ADAMTS10: variants seen among roughly 807,000 people sequenced by gnomAD.
ADAMTS10 encodes the protein A disintegrin and metalloproteinase with thrombospondin motifs 10.
Under a neutral mutation model 135.9 loss-of-function variants are expected in ADAMTS10, and 48 were observed. The observed-to-expected ratio is 0.35, with a 90% CI of 0.28 to 0.45. ADAMTS10 has a LOEUF of 0.45. ADAMTS10 is among the 20% of genes least tolerant of loss of function. The probability of loss-of-function intolerance (pLI) is 1.00; values close to 1 mark genes in which losing one functional copy is unlikely to be tolerated. For missense variants in ADAMTS10, 1,131 were observed against 1,565.2 expected (o/e 0.72, Z 4.68); for synonymous variants, 621 against 647.5 (o/e 0.96, Z 0.62).
chr19:8,585,594 G>T lies in ADAMTS10; in HGVS notation c.2727C>A (p.Val909=). ...CGGCAGAGACGCGGCGCTGGCACAC[G>T]ACCGAGCGGCTGCGCACGCCTGCAT... ...SCDAGVRSRS[V]VCQRRVSAAE... Residue 909 remains valine, a synonymous_variant, in exon 23 of 26, where the codon GTC becomes GTA. Transcript: ENST00000597188. 3.1e-6 allele frequency: 5 copies of T among 1,610,232 alleles called. No homozygotes were observed. The Middle Eastern group carries it at 5.0e-4, about 161-fold the overall frequency.
At chr19:8,597,917 C>T (rs1424336325) in intron 6 of ADAMTS10, among the ~76,000 whole-genome samples, 1 of 151,650 alleles carries the variant, frequency 6.6e-6, no homozygotes, top group Non-Finnish European at 1.5e-5. Flanking sequence ...GATTCTCCTG[C>T]CTCAGCCTCC....
chr19:8,592,142 G>T, intron 13 of ADAMTS10, 39 bp from the exon 14 acceptor site: 1 of 1,613,064 alleles, frequency 6.2e-7, no homozygotes, highest in Non-Finnish European at 8.5e-7. Context: ...GTCCAGCCCG[G>T]AGGACACTCG....
At chr19:8,581,853 A>G (rs2042355480) in intron 25 of ADAMTS10, among the ~76,000 whole-genome samples, 4 of 134,354 alleles carry the variant, frequency 3.0e-5, no homozygotes, top group Admixed American at 2.4e-4. Context: ...ACAAAAAAAC[A>G]AAAAAACAAA....
intron 25 of ADAMTS10, among the ~76,000 whole-genome samples, chr19:8,583,728 T>A (rs782137463): frequency 6.6e-6 from 1 of 151,944 alleles, no homozygotes; most frequent in Non-Finnish European, 1.5e-5. Flanking sequence ...CTGTGGCTCT[T>A]GCCTGTAGTC....
At chr19:8,585,088 A>G in intron 24 of ADAMTS10, 34 bp from the exon 25 acceptor site, 1 of 1,501,206 alleles carries the variant, frequency 6.7e-7, no homozygotes, top group Non-Finnish European at 8.9e-7. Context: ...GCTGCCCCGC[A>G]GCCCCTGCCC....
At chr19:8,595,698 T>TGCCACC in intron 12 of ADAMTS10, 64 bp downstream of exon 12, 2 of 1,291,948 alleles carry the variant, frequency 1.5e-6, no homozygotes, top group Non-Finnish European at 1.1e-6. Context: ...CTGGTGGAGT[T>TGCCACC]CCCTCCCCCA....
rs1467781519 is a variant in ADAMTS10, at chr19:8,592,015, C to T, written c.1676G>A (p.Cys559Tyr). The change falls in exon 14 of 26, where the codon TGC becomes TAC. Residue 559 changes from cysteine (C) to tyrosine (Y), a missense_variant. By Grantham distance (194) the Cys-to-Tyr change is radical. This residue lies in a region of ADAMTS10 where 745 missense variants were observed against 1,056.3 expected (regional missense o/e 0.71). Coordinates refer to ENST00000597188, the MANE Select transcript of ADAMTS10 (RefSeq NM_030957.4). ...CACGCCGCCGCCACAGGTCCGGCTG[C>T]AGTCGCCCCATGGAGTCCACGGCCC... ...AWGPWTPWGD[C>Y]SRTCGGGVSS... 6.2e-7 allele frequency: 1 copy of T among 1,613,670 alleles called. No homozygotes were observed. The highest frequency in any genetic ancestry group is 8.5e-7 in the Non-Finnish European group (1 of 1,179,878).
rs1157731168 is a variant in ADAMTS10, at chr19:8,601,430, T to C, written c.593-285A>G. On this transcript the variant is annotated intron_variant, in intron 5 of 25. Transcript: ENST00000597188. This position sits in a 1 kb window ranked among gnomAD's most constrained non-coding sequence, Gnocchi z 4.6. ...AGGCTGGACTGCAGTGGTGCGATCT[T>C]GGCTCACTGAAACCTCTGCCTCCCA... 6.6e-6 allele frequency among the ~76,000 whole-genome samples: 1 copy of C among 151,628 alleles called. No individual in the cohort carries two copies. Among genetic ancestry groups the C allele is most frequent in the Admixed American group, 6.6e-5 (1 of 15,220 alleles).
chr19:8,590,780 G>A lies in ADAMTS10; in HGVS notation c.1798-789C>T, dbSNP rs1731673294. ...CGGCCTAATTTTTGTATTTTTAGTA[G>A]AGATGGGGTTTTGCCATGTTGGCCA... On this transcript the variant is annotated intron_variant, in intron 15 of 25. Transcript: ENST00000597188. Among the ~76,000 whole-genome samples, 4 of 152,096 alleles carry A rather than the reference G, an allele frequency of 2.6e-5. No homozygotes were observed. The South Asian group carries it at 8.3e-4, about 32-fold the overall frequency.
Position 8,597,142 on chromosome 19 carries a change from G to C in ADAMTS10, c.895-10C>G. 6.2e-7 allele frequency: 1 copy of C among 1,614,150 alleles called. No homozygotes were observed. Among genetic ancestry groups the C allele is most frequent in the Non-Finnish European group, 8.5e-7 (1 of 1,180,040 alleles). Reference sequence around the variant, plus strand: ...TGATCTCCAGAGTGGGCTGGGGATGGACAGAGGGAAATGCATGGGCACCCA... The same window carrying C: ...TGATCTCCAGAGTGGGCTGGGGATGCACAGAGGGAAATGCATGGGCACCCA... On this transcript the variant is annotated splice_polypyrimidine_tract_variant and intron_variant, in intron 7 of 25. Transcript: ENST00000597188.
In ADAMTS10 at chr19:8,605,243, C is replaced by T. The variant is rs139761152; in HGVS notation, c.204G>A (p.Thr68=). 1,107 of 1,613,126 alleles carry T rather than the reference C, an allele frequency of 6.9e-4. 9 individuals carry two copies. The African/African-American group carries it at 0.012, about 18-fold the overall frequency. ...PPPPRRQRRG[T]GATAESRLFY... ...AGAGGCGGGACTCGGCTGTGGCCCC[C>T]GTGCCGCGGCGCTGCCTCCGGGGAG... Residue 68 remains threonine (T), a synonymous_variant, in exon 4 of 26, where the codon ACG becomes ACA. Transcript: ENST00000597188. The surrounding 1 kb of genome is among the most constrained non-coding windows in gnomAD (Gnocchi z 7.7).
At position 8,596,602 on chromosome 19, in the gene ADAMTS10, G is replaced by A. The variant is rs199633409; in HGVS notation, c.1041-17C>T. The A allele has an allele frequency of 1.9e-6, 3 of 1,612,098 alleles. No homozygotes were observed. The African/African-American group carries it at 4.0e-5, about 22-fold the overall frequency. ...ATGTCATAGCTGTAAAAGGAGACAG[G>A]GTCAGTGAGGGGGCTGGGCTGTCTC... On this transcript the variant is annotated splice_polypyrimidine_tract_variant and intron_variant, in intron 8 of 25. Coordinates refer to ENST00000597188, the MANE Select transcript of ADAMTS10 (RefSeq NM_030957.4). This position sits in a 1 kb window ranked among gnomAD's most constrained non-coding sequence, Gnocchi z 7.2.
In ADAMTS10 at chr19:8,605,696, G is replaced by A; in HGVS notation, c.15C>T (p.Cys5=). ...GGGCGAGGGCCCAGCGGAGGATCTG[G>A]CAGGCGGGAGCCATAGAGGCCACGT... MAPA[C]QILRWALALG... Residue 5 remains cysteine (C), a synonymous_variant, in exon 3 of 26, where the codon TGC becomes TGT. Coordinates refer to ENST00000597188, the MANE Select transcript of ADAMTS10 (RefSeq NM_030957.4). The surrounding 1 kb of genome is among the most constrained non-coding windows in gnomAD (Gnocchi z 7.7). The A allele has an allele frequency of 6.2e-7, 1 of 1,609,448 alleles. No individual in the cohort carries two copies. The highest frequency in any genetic ancestry group is 8.5e-7 in the Non-Finnish European group (1 of 1,179,010).
rs369050914 is a variant in ADAMTS10 at position 8,581,130 on chromosome 19, C to CTTTTTTTT, written c.3203-136_3203-129dup. 3.9e-4 allele frequency: 57 copies of CTTTTTTTT among 147,302 alleles called. 2 individuals carry two copies. Among genetic ancestry groups the CTTTTTTTT allele is most frequent in the African/African-American group, 5.4e-4 (10 of 18,390 alleles). 9.1% of individuals were successfully genotyped at this position (147,302 alleles called of 1,614,324 possible). On this transcript the variant is annotated intron_variant, in intron 25 of 25. Coordinates refer to ENST00000597188, the MANE Select transcript of ADAMTS10 (RefSeq NM_030957.4). ...CTTGGTTTCTTTCTTTTTAAATTTA[C>CTTTTTTTT]TTTTTTTTTTTTTTTTTTTTTTTTT...
At position 8,580,778 on chromosome 19, in the gene ADAMTS10, C is replaced by A; in HGVS notation, c.*115G>T. ...GGGGTTCCCAATAAATAACTTCCGG[C>A]TCCGTCTCACCCTTCCCTCCCAGTT... On this transcript the variant is annotated 3_prime_UTR_variant, in exon 26 of 26. Transcript: ENST00000597188. The A allele has an allele frequency of 1.3e-6, 1 of 797,772 alleles. No homozygotes were observed. Among genetic ancestry groups the A allele is most frequent in the South Asian group, 1.6e-5 (1 of 64,168 alleles). The allele number at this position is 797,772 out of a possible 1,614,324, so 49.4% of individuals were successfully genotyped here.
At position 8,603,827 on chromosome 19, in the gene ADAMTS10, G is replaced by A. The variant is rs1401325722; in HGVS notation, c.493C>T (p.Pro165Ser). The A allele has an allele frequency of 6.2e-7, 1 of 1,613,908 alleles. No individual in the cohort carries two copies. The highest frequency in any genetic ancestry group is 8.5e-7 in the Non-Finnish European group (1 of 1,180,002). ...TCCTCCGGGCTCCGAGAACCCTTGG[G>A]CCCACCGTGCAGGGGCTCAATCAGG... The part of the protein sequence containing the change: ...EYLIEPLHGG[P>S]KGSRSPEESG... The change falls in exon 5 of 26, where the codon CCC becomes TCC. Residue 165 changes from proline (P) to serine (S), a missense_variant. Transcript: ENST00000597188.
chr19:8,589,803 C>G (rs2042497172), intron 16 of ADAMTS10, 86 bp downstream of exon 16: 2 of 1,472,406 alleles, frequency 1.4e-6, no homozygotes, highest in Non-Finnish European at 1.9e-6. Context: ...AGGGCAGACC[C>G]CGGGATGCTG....
intron 2 of ADAMTS10, among the ~76,000 whole-genome samples, chr19:8,607,090 G>A (rs892373560): frequency 6.6e-6 from 1 of 152,120 alleles, no homozygotes; most frequent in Non-Finnish European, 1.5e-5. Flanking sequence ...GCTGGCATCA[G>A]AGGCACTTGA....
In ADAMTS10 at chr19:8,597,233, C is replaced by G; in HGVS notation, c.894+1G>C. ...GGGGAAGGGGAGGAAGTCCCCCGCA[C>G]CTGGTCCTCCGTGAGCAGGATGAGG... On this transcript the variant is annotated splice_donor_variant, in intron 7 of 25. Transcript: ENST00000597188. LOFTEE classifies it high-confidence loss of function. 4 of 1,614,130 alleles carry G rather than the reference C, an allele frequency of 2.5e-6. No individual in the cohort carries two copies. The highest frequency in any genetic ancestry group is 3.4e-6 in the Non-Finnish European group (4 of 1,180,042).
Sources: allele counts gnomAD v4.1 joint callset (sites outside exome capture counted in the v4.1 genomes callset), GRCh38; gene constraint gnomAD v4.1.1; regional missense constraint gnomAD v4.1.1; non-coding constraint Gnocchi (gnomAD v3.1); transcripts MANE v1.5; gene names NCBI Gene and HGNC (gene_info 2026-07-23, HGNC 2026-07-21).